Variants in MREG observed in about 807,000 individuals in gnomAD.
MREG encodes dilute suppressor protein homolog.
Under a neutral mutation model 28.5 loss-of-function variants are expected in MREG, and 31 were observed. The observed-to-expected ratio is 1.09, with a 90% CI of 0.82 to 1.47. The LOEUF is 1.47. Among genes scored for constraint, MREG ranks in the 40% most tolerant of loss-of-function variants. MREG has a pLI of 0.00. For missense variants in MREG, 256 were observed against 257.4 expected, an observed-to-expected ratio of 0.99 and a Z score of 0.04; for synonymous variants, 106 against 95.2, an observed-to-expected ratio of 1.11 and a Z score of -0.66.
intron 1 of MREG, among the ~76,000 whole-genome samples, chr2:216,005,808 A>T (rs1694138251): frequency 6.7e-6 from 1 of 148,366 alleles, no homozygotes. Flanking sequence ...CTGTAATATC[A>T]CACATTGGAA....
chr2:216,033,895 A>C (rs1694750756), upstream of MREG: 1 of 152,220 alleles, frequency 6.6e-6, no homozygotes, highest in South Asian at 2.1e-4. Context: ...ATAAGATCCA[A>C]AATAGCCTAG....
chr2:216,031,065 C>T (rs1047585401), intron 1 of MREG, among the ~76,000 whole-genome samples: 4 of 151,922 alleles, frequency 2.6e-5, no homozygotes, highest in Non-Finnish European at 4.4e-5. Flanking sequence ...ACTGAAATAT[C>T]TGTCTTCTGT....
chr2:216,006,323 G>T (rs948939329), intron 1 of MREG, among the ~76,000 whole-genome samples: 1 of 152,150 alleles, frequency 6.6e-6, no homozygotes, highest in Admixed American at 6.5e-5. Context: ...TCCCTCCTAC[G>T]CGTTGGGCCT....
Position 215,996,373 on chromosome 2 carries a change from T to A in MREG, c.188A>T (p.Glu63Val), listed in dbSNP as rs1364250480. 1.5e-5 allele frequency: 24 copies of A among 1,613,896 alleles called. No individual in the cohort carries two copies. The highest frequency in any genetic ancestry group is 2.0e-5 in the Non-Finnish European group (24 of 1,179,870). The change falls in exon 2 of 5, where the codon GAG becomes GTG. Residue 63 changes from glutamate to valine, a missense_variant. By Grantham distance (121) the Glu-to-Val change is moderately radical. Coordinates refer to ENST00000263268, the MANE Select transcript of MREG (RefSeq NM_018000.3). ...WSMPHDVSHT[E>V]ADDDRTLYNL... ...GTACAGGGTTCTGTCGTCGTCTGCC[T>A]CTGTGTGGGACACATCATGGGGCAT...
intron 2 of MREG, among the ~76,000 whole-genome samples, chr2:215,969,885 G>T (rs536072739): frequency 7.4e-4 from 112 of 152,256 alleles, no homozygotes; most frequent in African/African-American, 2.6e-3. Context: ...AGCGGGTTCA[G>T]AGGGAAAGAA....
intron 2 of MREG, among the ~76,000 whole-genome samples, chr2:215,955,631 C>T (rs10211101): frequency 0.58 from 88,141 of 152,058 alleles, 26,230 homozygotes; most frequent in African/African-American, 0.67. Context: ...CCTTTCAGTT[C>T]GCACCAATTG....
chr2:215,949,062 ACTACTACTACTACTACTAC>A (rs1692397709), intron 2 of MREG, among the ~76,000 whole-genome samples: 3 of 141,232 alleles, frequency 2.1e-5, no homozygotes, highest in African/African-American at 5.2e-5. Context: ...TACTACTACT[ACTACTACTACTACTACTAC>A]TACTACTAAT....
chr2:215,954,445 AACACACAC>A (rs3078454), intron 2 of MREG, among the ~76,000 whole-genome samples: 20 of 136,606 alleles, frequency 1.5e-4, no homozygotes, highest in East Asian at 2.2e-4. Flanking sequence ...ATCTGTGTAC[AACACACAC>A]ACACACACAC....
chr2:215,976,755 C>T (rs533699574), intron 2 of MREG, among the ~76,000 whole-genome samples: 14 of 152,212 alleles, frequency 9.2e-5, no homozygotes, highest in African/African-American at 3.1e-4. Context: ...ATTTTCAACC[C>T]AGAATTTCAT....
upstream of MREG, among the ~76,000 whole-genome samples, chr2:216,018,397 C>G (rs878220): frequency 1.3e-5 from 2 of 152,002 alleles, no homozygotes; most frequent in Non-Finnish European, 2.9e-5. Flanking sequence ...CCTTGCCATA[C>G]GACAACATCT....
intron 1 of MREG, among the ~76,000 whole-genome samples, chr2:215,997,930 G>T (rs1426905049): frequency 3.9e-5 from 6 of 152,198 alleles, no homozygotes; most frequent in Non-Finnish European, 8.8e-5. Flanking sequence ...GGGTTCAGCA[G>T]CAGGAACCCA....
downstream of MREG, among the ~76,000 whole-genome samples, chr2:215,940,538 G>A (rs1692185535): frequency 6.6e-6 from 1 of 152,156 alleles, no homozygotes; most frequent in Admixed American, 6.6e-5. Context: ...AACTCCTAGG[G>A]AAACTTAACA....
At chr2:215,979,812 A>C (rs1437645119) in intron 2 of MREG, among the ~76,000 whole-genome samples, 6 of 152,032 alleles carry the variant, frequency 3.9e-5, no homozygotes, top group African/African-American at 1.2e-4. Context: ...ACCAAAGTCA[A>C]TACTGAGTAG....
intron 2 of MREG, among the ~76,000 whole-genome samples, chr2:215,991,106 C>A (rs1407691529): frequency 3.3e-5 from 5 of 152,206 alleles, no homozygotes; most frequent in Non-Finnish European, 7.3e-5. Context: ...TTCTCAGCAC[C>A]ACATCACACT....
intron 1 of MREG, among the ~76,000 whole-genome samples, chr2:215,998,195 C>G (rs1693917996): frequency 6.6e-6 from 1 of 151,744 alleles, no homozygotes; most frequent in African/African-American, 2.4e-5. Flanking sequence ...ATCCCAGCTA[C>G]TCGGGAGGCT....
At chr2:215,940,366 A>G (rs1341138056), downstream of MREG, among the ~76,000 whole-genome samples, 1 of 152,248 alleles carries the variant, frequency 6.6e-6, no homozygotes, top group Non-Finnish European at 1.5e-5. Flanking sequence ...GATATTAGTA[A>G]TAGAAAGTGA....
intron 1 of MREG, among the ~76,000 whole-genome samples, chr2:216,001,045 C>T (rs1035573129): frequency 1.3e-5 from 2 of 151,866 alleles, no homozygotes; most frequent in African/African-American, 2.4e-5. Context: ...CTGTCTCTTG[C>T]TCTCTCTCAC....
upstream of MREG, among the ~76,000 whole-genome samples, chr2:216,017,393 A>G (rs1436508049): frequency 6.6e-6 from 1 of 152,184 alleles, no homozygotes; most frequent in Non-Finnish European, 1.5e-5. Flanking sequence ...ATAAATTACA[A>G]CTTTGATGGG....
intron 1 of MREG, among the ~76,000 whole-genome samples, chr2:216,010,723 G>A (rs1423215285): frequency 6.6e-6 from 1 of 151,930 alleles, no homozygotes; most frequent in Non-Finnish European, 1.5e-5. Context: ...GAAAACCAGT[G>A]ATTACATACT....
Sources: gnomAD v4.1 joint callset for allele counts (sites outside exome capture counted in the v4.1 genomes callset) on GRCh38, gnomAD v4.1.1 for gene constraint, MANE v1.5 for transcripts, NCBI Gene and HGNC (gene_info 2026-07-23, HGNC 2026-07-21) for gene names.